Variants in TENM3 observed in about 807,000 individuals in gnomAD.
TENM3 encodes teneurin-3.
A neutral mutation model predicts 255.1 loss-of-function variants in TENM3; 63 were observed. The ratio of observed to expected loss-of-function variants is 0.25; its 90% CI spans 0.20 to 0.30. The LOEUF is 0.30. Among genes scored for constraint, TENM3 ranks in the 10% least tolerant of loss-of-function variants. The pLI is 1.00. For missense variants in TENM3, 2,929 were observed against 3,461.1 expected (o/e 0.85, Z 3.86); for synonymous variants, 1,306 against 1,322.3 (o/e 0.99, Z 0.27).
At chr4:181,749,198 A>C in the TENM3 span, among the ~76,000 whole-genome samples, 1 of 152,088 alleles carries the variant, frequency 6.6e-6, no homozygotes, top group African/African-American at 2.4e-5. Flanking sequence ...GTTTTGAGAA[A>C]TTTTAAAAGA....
intron 3 of TENM3, among the ~76,000 whole-genome samples, chr4:182,435,317 A>G (rs1580530574): frequency 6.6e-6 from 1 of 152,244 alleles, no homozygotes; most frequent in Non-Finnish European, 1.5e-5. Flanking sequence ...GACTTCTTCT[A>G]TCTTAAGTGT....
chr4:182,618,708 G>A (rs1181467267), intron 4 of TENM3, among the ~76,000 whole-genome samples: 1 of 151,842 alleles, frequency 6.6e-6, no homozygotes, highest in Non-Finnish European at 1.5e-5. Flanking sequence ...AACAAATAGA[G>A]GTGATTCGGT....
intron 12 of TENM3, among the ~76,000 whole-genome samples, chr4:182,691,057 A>G (rs1370200421): frequency 6.6e-6 from 1 of 152,346 alleles, no homozygotes; most frequent in East Asian, 1.9e-4. Context: ...ATTTTGGCAT[A>G]CAAAGATCCA....
chr4:181,957,798 A>C, the TENM3 span, among the ~76,000 whole-genome samples: 1 of 152,172 alleles, frequency 6.6e-6, no homozygotes, highest in African/African-American at 2.4e-5. Context: ...TTGGGTTTTG[A>C]TAGAGAACGA....
At chr4:181,837,044 A>G in the TENM3 span, among the ~76,000 whole-genome samples, 1 of 152,164 alleles carries the variant, frequency 6.6e-6, no homozygotes, top group Non-Finnish European at 1.5e-5. Flanking sequence ...TCTTCTGTTC[A>G]GAAGAACAGA....
At chr4:181,897,551 A>G in the TENM3 span, among the ~76,000 whole-genome samples, 1 of 152,208 alleles carries the variant, frequency 6.6e-6, no homozygotes, top group Non-Finnish European at 1.5e-5. Flanking sequence ...AATTTAGAAG[A>G]ACCTTGGTGT....
intron 12 of TENM3, among the ~76,000 whole-genome samples, chr4:182,708,789 C>A (rs111636026): frequency 0.096 from 13,480 of 140,070 alleles, 775 homozygotes; most frequent in Non-Finnish European, 0.13. Flanking sequence ...CAGAGCGAGA[C>A]TCCGTCTCAA....
the TENM3 span, among the ~76,000 whole-genome samples, chr4:181,882,539 T>C: frequency 6.6e-6 from 1 of 152,284 alleles, no homozygotes; most frequent in Admixed American, 6.5e-5. Flanking sequence ...AAGTACATCA[T>C]AGTTCAGCTG....
intron 1 of TENM3, among the ~76,000 whole-genome samples, chr4:182,185,580 G>A (rs1018920525): frequency 2.0e-4 from 30 of 152,318 alleles, no homozygotes; most frequent in African/African-American, 7.2e-4. Flanking sequence ...AGTCTCACCA[G>A]ACAGAGAGTG....
chr4:181,656,290 G>C, the TENM3 span, among the ~76,000 whole-genome samples: 1 of 152,146 alleles, frequency 6.6e-6, no homozygotes, highest in South Asian at 2.1e-4. Flanking sequence ...ACAGAAGCCA[G>C]CCAAAGAAAG....
chr4:182,246,916 C>T lies in TENM3; in HGVS notation c.-76+3440C>T, dbSNP rs115621797. ...ACTAAAACGAGAGATGAGGTAGTGA[C>T]TGGGAGTGGAGGGGAAGTTGATTGA... is the stretch of plus-strand genomic sequence containing the variant. On this transcript the variant is annotated intron_variant, in intron 1 of 27. Coordinates refer to ENST00000511685, the MANE Select transcript of TENM3 (RefSeq NM_001080477.4). 8.3e-3 allele frequency among the ~76,000 whole-genome samples: 1,266 copies of T among 152,204 alleles called. 21 individuals carry two copies. The highest frequency in any genetic ancestry group is 0.029 in the African/African-American group (1,196 of 41,532).
At chr4:182,306,412 G>A (rs1437380152) in intron 1 of TENM3, among the ~76,000 whole-genome samples, 1 of 151,976 alleles carries the variant, frequency 6.6e-6, no homozygotes, top group Non-Finnish European at 1.5e-5. Context: ...AAGCATACGT[G>A]AAAATGTTTA....
chr4:181,913,072 G>A, the TENM3 span, among the ~76,000 whole-genome samples: 1 of 152,118 alleles, frequency 6.6e-6, no homozygotes, highest in Non-Finnish European at 1.5e-5. Context: ...ACATGGGTGA[G>A]GGTAGGAATA....
At chr4:182,763,701 C>T (rs6850174) in intron 22 of TENM3, among the ~76,000 whole-genome samples, 151,227 of 152,370 alleles carry the variant, frequency 0.99, 75,056 homozygotes, top group East Asian at 1. Context: ...GTTACAGGAA[C>T]CTTATATCTG....
At chr4:182,393,474 A>C (rs1768581799) in intron 3 of TENM3, among the ~76,000 whole-genome samples, 1 of 152,250 alleles carries the variant, frequency 6.6e-6, no homozygotes, top group South Asian at 2.1e-4. Flanking sequence ...CAAATAATTT[A>C]TAATCAAAAT....
chr4:181,765,746 C>G, the TENM3 span, among the ~76,000 whole-genome samples: 64 of 152,238 alleles, frequency 4.2e-4, no homozygotes, highest in Admixed American at 1.5e-3. Context: ...TCTGATTAAA[C>G]CCCCATCATC....
chr4:181,766,754 C>CAAAA, the TENM3 span, among the ~76,000 whole-genome samples: 3 of 114,846 alleles, frequency 2.6e-5, no homozygotes, highest in Non-Finnish European at 1.8e-5. Flanking sequence ...TGTAGGCGTT[C>CAAAA]AAAAAAAAAA....
intron 4 of TENM3, among the ~76,000 whole-genome samples, chr4:182,612,271 CAAAAAAA>C (rs67422711): frequency 3.0e-5 from 2 of 67,038 alleles, no homozygotes; most frequent in African/African-American, 1.2e-4. Context: ...GACTCGGTCT[CAAAAAAA>C]AAAAAAAAAA....
At chr4:182,018,053 G>GTTGT in the TENM3 span, among the ~76,000 whole-genome samples, 1 of 152,278 alleles carries the variant, frequency 6.6e-6, no homozygotes, top group South Asian at 2.1e-4. Context: ...TGGAAATGAT[G>GTTGT]TTGTGATCAT....
Sources: gnomAD v4.1 joint callset for allele counts (sites outside exome capture counted in the v4.1 genomes callset) on GRCh38, gnomAD v4.1.1 for gene constraint, MANE v1.5 for transcripts, NCBI Gene and HGNC (gene_info 2026-07-23, HGNC 2026-07-21) for gene names.